Variants in WDR70 observed in about 807,000 individuals in gnomAD.
The protein encoded by WDR70 is WD repeat-containing protein 70.
In WDR70, 53 loss-of-function variants were observed where a neutral mutation model predicts 88.6. That is an observed-to-expected ratio of 0.60 (90% CI 0.48 to 0.75). The LOEUF is 0.75. Ranked by LOEUF, WDR70 falls within the 30% of genes least tolerant of loss-of-function variation. WDR70 has a pLI of 0.00. For missense variants in WDR70, 610 were observed against 823.2 expected, an observed-to-expected ratio of 0.74 and a Z score of 3.17; for synonymous variants, 280 against 270.0, an observed-to-expected ratio of 1.04 and a Z score of -0.36.
chr5:37,716,238 G>T (rs1235243740), intron 13 of WDR70, among the ~76,000 whole-genome samples: 2 of 152,176 alleles, frequency 1.3e-5, no homozygotes, highest in Non-Finnish European at 2.9e-5. Flanking sequence ...AAGTTATGAA[G>T]GCTGTTGGCT....
intron 9 of WDR70, among the ~76,000 whole-genome samples, chr5:37,599,998 A>G (rs1271954535): frequency 6.6e-6 from 1 of 152,320 alleles, no homozygotes; most frequent in South Asian, 2.1e-4. Flanking sequence ...TAAAGAAAAC[A>G]TAGGAGAAAA....
At chr5:37,540,695 A>G (rs560976068) in intron 9 of WDR70, among the ~76,000 whole-genome samples, 2 of 152,316 alleles carry the variant, frequency 1.3e-5, no homozygotes, top group East Asian at 3.9e-4. Context: ...TCCTTCTTTT[A>G]TAACATCTAA....
intron 9 of WDR70, among the ~76,000 whole-genome samples, chr5:37,538,860 C>T (rs1741737801): frequency 6.6e-6 from 1 of 152,004 alleles, no homozygotes; most frequent in African/African-American, 2.4e-5. Flanking sequence ...CTTACTTATC[C>T]AAAGGAAGTA....
chr5:37,695,599 G>T (rs142868752), intron 10 of WDR70, among the ~76,000 whole-genome samples: 1 of 152,080 alleles, frequency 6.6e-6, no homozygotes. Flanking sequence ...TTGACATGTG[G>T]CCCCCTTCAT....
chr5:37,485,884 T>G lies in WDR70; in HGVS notation c.840+5897T>G, dbSNP rs1164609207. Among the ~76,000 whole-genome samples, 10 of 123,406 alleles carry G rather than the reference T, an allele frequency of 8.1e-5. No individual in the cohort carries two copies. In the Admixed American group the frequency reaches 8.5e-4, roughly 10 times the overall value. The allele number at this position is 123,406 out of a possible 152,430, so 81.0% of individuals were successfully genotyped here. On this transcript the variant is annotated intron_variant, in intron 8 of 17. Transcript: ENST00000265107. The stretch of plus-strand genomic sequence containing the variant: ...TTTTTTTTTTTTTTTTTTTTTTTTT[T>G]TTGTATTTTTAGTAGAGACGGGGTT...
intron 9 of WDR70, among the ~76,000 whole-genome samples, chr5:37,534,521 A>G (rs1000162018): frequency 8.2e-6 from 1 of 122,032 alleles, no homozygotes; most frequent in South Asian, 2.7e-4. Flanking sequence ...TTTTGTGACA[A>G]AAGTCTTGCT....
chr5:37,423,375 G>A (rs1581267001), intron 5 of WDR70, among the ~76,000 whole-genome samples: 3 of 146,006 alleles, frequency 2.1e-5, no homozygotes, highest in African/African-American at 5.2e-5. Flanking sequence ...AAAAAAAAAA[G>A]AAGAAAAGGA....
chr5:37,680,283 A>G (rs953782903), intron 10 of WDR70, among the ~76,000 whole-genome samples: 10 of 151,846 alleles, frequency 6.6e-5, no homozygotes, highest in Non-Finnish European at 1.0e-4. Flanking sequence ...AGTTTCTTAT[A>G]GATGCTAGAT....
At chr5:37,483,718 C>T (rs1438471977) in intron 8 of WDR70, among the ~76,000 whole-genome samples, 10 of 141,368 alleles carry the variant, frequency 7.1e-5, no homozygotes, top group Admixed American at 7.0e-5. Flanking sequence ...GGGCGGTGGC[C>T]TGGAGGAGGT....
At chr5:37,682,413 C>T (rs763260150) in intron 10 of WDR70, among the ~76,000 whole-genome samples, 3 of 151,766 alleles carry the variant, frequency 2.0e-5, no homozygotes, top group Admixed American at 6.6e-5. Context: ...TTTTGTGTGC[C>T]TCAATCTCCT....
intron 6 of WDR70, among the ~76,000 whole-genome samples, chr5:37,438,720 A>C (rs1237874876): frequency 2.0e-5 from 3 of 152,184 alleles, no homozygotes; most frequent in Non-Finnish European, 4.4e-5. Context: ...AATGATATAA[A>C]CAGGGTCATT....
At chr5:37,450,718 A>G (rs553447482) in intron 7 of WDR70, among the ~76,000 whole-genome samples, 31 of 152,332 alleles carry the variant, frequency 2.0e-4, no homozygotes, top group African/African-American at 7.2e-4. Context: ...GAAGTCATTT[A>G]TAAGAAAACA....
intron 5 of WDR70, among the ~76,000 whole-genome samples, chr5:37,423,897 C>T (rs143625146): frequency 1.2e-3 from 177 of 147,492 alleles, no homozygotes; most frequent in African/African-American, 4.3e-3. Context: ...GCCTATAATC[C>T]CAGCACTTTG....
At chr5:37,633,047 A>G (rs1744862850) in intron 10 of WDR70, among the ~76,000 whole-genome samples, 1 of 152,220 alleles carries the variant, frequency 6.6e-6, no homozygotes, top group Admixed American at 6.5e-5. Flanking sequence ...AATATTCTGT[A>G]CAGGTTTGTA....
At chr5:37,489,365 A>G (rs565975380) in intron 8 of WDR70, among the ~76,000 whole-genome samples, 5 of 152,284 alleles carry the variant, frequency 3.3e-5, no homozygotes, top group Non-Finnish European at 5.9e-5. Flanking sequence ...TGGTGATGGC[A>G]GTATAGTGGC....
chr5:37,526,504 T>C (rs977784143), intron 9 of WDR70, among the ~76,000 whole-genome samples: 1 of 152,208 alleles, frequency 6.6e-6, no homozygotes, highest in East Asian at 1.9e-4. Context: ...GAGCTATTTA[T>C]GACAAAGCCA....
intron 7 of WDR70, among the ~76,000 whole-genome samples, chr5:37,468,642 C>T (rs2112126672): frequency 6.6e-6 from 1 of 151,976 alleles, no homozygotes; most frequent in African/African-American, 2.4e-5. Flanking sequence ...ATATATAATA[C>T]ATTATTGTTA....
Position 37,500,236 on chromosome 5 carries a change from G to A in WDR70, c.841-16278G>A, listed in dbSNP as rs1435740903. Among the ~76,000 whole-genome samples, 14 of 152,192 alleles carry A rather than the reference G, an allele frequency of 9.2e-5. No homozygotes were observed. The East Asian group carries it at 2.7e-3, about 29-fold the overall frequency. On this transcript the variant is annotated intron_variant, in intron 8 of 17. Coordinates refer to ENST00000265107, the MANE Select transcript of WDR70 (RefSeq NM_018034.4). ...ACCTCACTTAGAATAATGGTCTCCAGCTCCATCCAAGTTGATGCAAAAGAC... is the reference window on the plus strand; with the variant it reads ...ACCTCACTTAGAATAATGGTCTCCAACTCCATCCAAGTTGATGCAAAAGAC...
chr5:37,579,436 T>A (rs747874137), intron 9 of WDR70, among the ~76,000 whole-genome samples: 1 of 151,694 alleles, frequency 6.6e-6, no homozygotes, highest in Non-Finnish European at 1.5e-5. Context: ...ATACAAAAAT[T>A]AGCTGGGCGT....
Sources: gnomAD v4.1 joint callset for allele counts (sites outside exome capture counted in the v4.1 genomes callset) on GRCh38, gnomAD v4.1.1 for gene constraint, MANE v1.5 for transcripts, NCBI Gene and HGNC (gene_info 2026-07-23, HGNC 2026-07-21) for gene names.